FSTL4: variants seen among roughly 807,000 people sequenced by gnomAD.
The protein encoded by FSTL4 is follistatin-related protein 4.
A neutral mutation model predicts 78.2 loss-of-function variants in FSTL4; 28 were observed. The ratio of observed to expected loss-of-function variants is 0.36; its 90% CI spans 0.27 to 0.49. FSTL4 has a LOEUF of 0.49. Among genes scored for constraint, FSTL4 ranks in the 20% least tolerant of loss-of-function variants. The pLI, the probability that FSTL4 is intolerant of heterozygous loss-of-function variation, is 0.98. For missense variants in FSTL4, 922 were observed against 1,084.9 expected, an observed-to-expected ratio of 0.85 and a Z score of 2.11; for synonymous variants, 422 against 440.5, an observed-to-expected ratio of 0.96 and a Z score of 0.53.
chr5:133,511,921 T>C lies in FSTL4; in HGVS notation c.160+55265A>G, dbSNP rs1222784267. ...CAAGGTGGAGTGATGGAGTGGCGGG[T>C]GAGCAACCACAGCTGCATGGTGGGA... is the stretch of plus-strand genomic sequence containing the variant. On this transcript the variant is annotated intron_variant, in intron 3 of 15. Transcript: ENST00000265342. Among the ~76,000 whole-genome samples, 3 of 148,970 alleles carry C rather than the reference T, an allele frequency of 2.0e-5. No homozygotes were observed. In the Middle Eastern group the frequency reaches 0.01, roughly 517 times the overall value.
the FSTL4 span, among the ~76,000 whole-genome samples, chr5:133,740,357 G>C: frequency 1.3e-5 from 2 of 152,070 alleles, no homozygotes; most frequent in Non-Finnish European, 2.9e-5. Context: ...AATCCATAAA[G>C]CAATCCAGGC....
intron 3 of FSTL4, among the ~76,000 whole-genome samples, chr5:133,429,502 A>C (rs1374364887): frequency 1.3e-5 from 2 of 152,174 alleles, no homozygotes; most frequent in South Asian, 2.1e-4. Flanking sequence ...GAAACCACAT[A>C]AGCTGGAACA....
intron 2 of FSTL4, among the ~76,000 whole-genome samples, chr5:133,600,510 C>G (rs1760841939): frequency 6.6e-6 from 1 of 152,074 alleles, no homozygotes; most frequent in South Asian, 2.1e-4. Flanking sequence ...CATTAGTATT[C>G]TAGGGCACGT....
chr5:133,331,777 G>A (rs540842572), intron 4 of FSTL4, among the ~76,000 whole-genome samples: 5 of 152,276 alleles, frequency 3.3e-5, no homozygotes, highest in East Asian at 1.9e-4. Context: ...CTCTGAAAGC[G>A]AACACCAGCC....
At position 133,321,573 on chromosome 5, in the gene FSTL4, C is replaced by T. The variant is rs534905283; in HGVS notation, c.410-4921G>A. The stretch of plus-strand genomic sequence containing the variant: ...GAGAATGATAGTGGCAGGCCGGGCG[C>T]GGTGGCTCACGCCTATAATCCTAGC... On this transcript the variant is annotated intron_variant, in intron 4 of 15. Coordinates refer to ENST00000265342, the MANE Select transcript of FSTL4 (RefSeq NM_015082.2). Among the ~76,000 whole-genome samples, 36 of 152,182 alleles carry T rather than the reference C, an allele frequency of 2.4e-4. No homozygotes were observed. In the South Asian group the frequency reaches 6.8e-3, roughly 29 times the overall value.
At chr5:133,643,632 G>C in the FSTL4 span, among the ~76,000 whole-genome samples, 2 of 152,104 alleles carry the variant, frequency 1.3e-5, no homozygotes, top group African/African-American at 4.8e-5. Context: ...CCACCAAGCA[G>C]GTCATCCACC....
chr5:133,558,967 C>T (rs978434308), intron 3 of FSTL4, among the ~76,000 whole-genome samples: 2 of 152,122 alleles, frequency 1.3e-5, no homozygotes, highest in African/African-American at 4.8e-5. Context: ...CCTGGCTCTG[C>T]TCCAGCTGAA....
chr5:133,790,508 C>T, the FSTL4 span, among the ~76,000 whole-genome samples: 1 of 152,162 alleles, frequency 6.6e-6, no homozygotes, highest in African/African-American at 2.4e-5. Flanking sequence ...CACAGCCCCT[C>T]TTACGGTTTT....
At chr5:133,381,693 G>A (rs1180253488) in intron 4 of FSTL4, among the ~76,000 whole-genome samples, 1 of 152,140 alleles carries the variant, frequency 6.6e-6, no homozygotes. Flanking sequence ...TATGCCATAC[G>A]TCATAATAGA....
chr5:133,221,620 G>A (rs898007356), intron 11 of FSTL4, among the ~76,000 whole-genome samples: 1 of 152,130 alleles, frequency 6.6e-6, no homozygotes, highest in East Asian at 1.9e-4. Context: ...ACTTGTCTGA[G>A]GCCACCCGTC....
chr5:133,735,683 C>T, the FSTL4 span, among the ~76,000 whole-genome samples: 1 of 152,116 alleles, frequency 6.6e-6, no homozygotes, highest in Non-Finnish European at 1.5e-5. Context: ...AACCTGCTAG[C>T]GTGGGTCTAT....
chr5:133,642,013 A>C, the FSTL4 span, among the ~76,000 whole-genome samples: 10 of 151,868 alleles, frequency 6.6e-5, no homozygotes, highest in Non-Finnish European at 1.2e-4. Context: ...TGAGAAATTA[A>C]CTGTCTCTCA....
At chr5:133,240,791 T>TC (rs1751845275) in intron 7 of FSTL4, among the ~76,000 whole-genome samples, 1 of 152,238 alleles carries the variant, frequency 6.6e-6, no homozygotes, top group African/African-American at 2.4e-5. Flanking sequence ...AGGGAGTGTG[T>TC]TAGCCTAGGA....
chr5:133,726,176 CTG>C, the FSTL4 span, among the ~76,000 whole-genome samples: 2 of 152,134 alleles, frequency 1.3e-5, no homozygotes, highest in African/African-American at 4.8e-5. Flanking sequence ...TGCCTGACTC[CTG>C]TGCCTGAGCC....
intron 11 of FSTL4, 185 bp from the exon 12 acceptor site, chr5:133,221,051 G>T (rs1016028497): frequency 8.7e-6 from 6 of 689,264 alleles, no homozygotes; most frequent in Non-Finnish European, 1.6e-5. Flanking sequence ...TGCAGAGAGG[G>T]CCCCCCAGGA....
the FSTL4 span, among the ~76,000 whole-genome samples, chr5:133,664,743 A>C: frequency 3.9e-5 from 6 of 152,240 alleles, no homozygotes; most frequent in Middle Eastern, 3.2e-3. Context: ...AATGCCATAC[A>C]GTAACTCTGT....
chr5:133,834,029 C>T, the FSTL4 span, among the ~76,000 whole-genome samples: 1 of 152,144 alleles, frequency 6.6e-6, no homozygotes, highest in Non-Finnish European at 1.5e-5. Flanking sequence ...AGAAGAAACA[C>T]AAATGAACAA....
At chr5:133,331,498 C>A (rs534392653) in intron 4 of FSTL4, among the ~76,000 whole-genome samples, 5 of 152,170 alleles carry the variant, frequency 3.3e-5, no homozygotes, top group Non-Finnish European at 5.9e-5. Flanking sequence ...GCGGAAGGGG[C>A]TCCTGGGGTC....
At chr5:133,437,799 G>T (rs574799035) in intron 3 of FSTL4, among the ~76,000 whole-genome samples, 3 of 146,122 alleles carry the variant, frequency 2.1e-5, no homozygotes, top group Non-Finnish European at 4.5e-5. Context: ...CCAGTAAATG[G>T]TTTTTTTTTT....
Sources: allele counts gnomAD v4.1 joint callset (sites outside exome capture counted in the v4.1 genomes callset), GRCh38; gene constraint gnomAD v4.1.1; transcripts MANE v1.5; gene names NCBI Gene and HGNC (gene_info 2026-07-23, HGNC 2026-07-21).